VIT: variants seen among roughly 807,000 people sequenced by gnomAD.
VIT encodes the protein vitrin.
Under a neutral mutation model 78.0 loss-of-function variants are expected in VIT, and 99 were observed. The ratio of observed to expected loss-of-function variants is 1.27; its 90% CI spans 1.08 to 1.50. VIT has a LOEUF of 1.50. Ranked by LOEUF, VIT falls within the 40% of genes most tolerant of loss-of-function variation. The pLI is 0.00. For missense variants in VIT, 1,126 were observed against 875.3 expected, an observed-to-expected ratio of 1.29 and a Z score of -3.61; for synonymous variants, 374 against 334.3, an observed-to-expected ratio of 1.12 and a Z score of -1.29.
chr2:36,814,404 T>G lies in VIT; in HGVS notation c.*43T>G. 6.2e-7 allele frequency: 1 copy of G among 1,606,968 alleles called. No individual in the cohort carries two copies. Among genetic ancestry groups the G allele is most frequent in the South Asian group, 1.1e-5 (1 of 90,290 alleles). On this transcript the variant is annotated 3_prime_UTR_variant, in exon 16 of 16. Transcript: ENST00000379242. ...CACCAGCAAGTGCTGCTTTACTAAC[T>G]GACGTGTTGGACCACCCCACCGCTT...
chr2:36,703,405 T>C (rs1665196726), intron 1 of VIT, among the ~76,000 whole-genome samples: 1 of 149,324 alleles, frequency 6.7e-6, no homozygotes, highest in Non-Finnish European at 1.5e-5. Context: ...AGAGACCACT[T>C]TGGAACATGG....
At chr2:36,760,397 ATT>A (rs1362957080) in intron 6 of VIT, among the ~76,000 whole-genome samples, 2 of 151,710 alleles carry the variant, frequency 1.3e-5, no homozygotes, top group African/African-American at 2.4e-5. Flanking sequence ...TTTTCTCTTA[ATT>A]ACTGCTCCAC....
chr2:36,755,850 T>C (rs1216363529), intron 5 of VIT, among the ~76,000 whole-genome samples: 2 of 152,286 alleles, frequency 1.3e-5, no homozygotes, highest in Non-Finnish European at 2.9e-5. Flanking sequence ...TGTTATCATC[T>C]ATTATCTTTA....
At chr2:36,803,672 G>T (rs1438944977) in intron 13 of VIT, among the ~76,000 whole-genome samples, 2 of 152,222 alleles carry the variant, frequency 1.3e-5, no homozygotes, top group Non-Finnish European at 2.9e-5. Context: ...TGCAGCATCT[G>T]TATATGTAAC....
intron 14 of VIT, among the ~76,000 whole-genome samples, chr2:36,805,947 C>T (rs1192362016): frequency 6.6e-6 from 1 of 152,076 alleles, no homozygotes; most frequent in Admixed American, 6.6e-5. Context: ...CCCAGGCAGC[C>T]CAAGGAGCCT....
chr2:36,794,579 A>C (rs1665737059), intron 12 of VIT, among the ~76,000 whole-genome samples: 1 of 152,216 alleles, frequency 6.6e-6, no homozygotes, highest in African/African-American at 2.4e-5. Context: ...GTGAAATTTA[A>C]CAAATATTTC....
In VIT at chr2:36,699,516, T is replaced by TTATATATA. The variant is rs1553357624; in HGVS notation, c.-19+2550_-19+2557dup. 1.0e-4 allele frequency among the ~76,000 whole-genome samples: 15 copies of TTATATATA among 148,854 alleles called. 1 individual carries two copies. Among genetic ancestry groups the TTATATATA allele is most frequent in the African/African-American group, 3.8e-4 (15 of 39,382 alleles). On this transcript the variant is annotated intron_variant, in intron 1 of 15. Coordinates refer to ENST00000379242, the MANE Select transcript of VIT (RefSeq NM_053276.4). ...TTCTTCACAAGACAATTAGAGGGGG[T>TTATATATA]TATATATATATATACACACACATAT...
chr2:36,735,160 CAAAGAA>C (rs1351353613), intron 3 of VIT, among the ~76,000 whole-genome samples: 2 of 150,202 alleles, frequency 1.3e-5, no homozygotes, highest in African/African-American at 2.5e-5. Flanking sequence ...GACTCTGTCT[CAAAGAA>C]AAAGAAAAAG....
intron 1 of VIT, among the ~76,000 whole-genome samples, chr2:36,715,761 C>G (rs893151596): frequency 6.6e-6 from 1 of 152,156 alleles, no homozygotes; most frequent in Admixed American, 6.5e-5. Context: ...AGTTTGAGAA[C>G]CACTGCTCTA....
At chr2:36,771,258 G>A (rs549899840) in intron 7 of VIT, among the ~76,000 whole-genome samples, 8 of 152,286 alleles carry the variant, frequency 5.3e-5, no homozygotes, top group Admixed American at 6.5e-5. Context: ...TGCCGGTCCC[G>A]GTGGCTCACG....
At chr2:36,732,742 A>G (rs1015695) in intron 3 of VIT, among the ~76,000 whole-genome samples, 54,289 of 152,112 alleles carry the variant, frequency 0.36, 12,027 homozygotes, top group Non-Finnish European at 0.48. Flanking sequence ...ACAAGTCAAC[A>G]GGCAATGATA....
chr2:36,713,481 G>A (rs1665932307), intron 1 of VIT, among the ~76,000 whole-genome samples: 1 of 152,328 alleles, frequency 6.6e-6, no homozygotes, highest in Admixed American at 6.5e-5. Flanking sequence ...GTAAGACGGG[G>A]AGCCACTGTG....
intron 12 of VIT, among the ~76,000 whole-genome samples, chr2:36,795,438 G>A (rs11888749): frequency 0.085 from 12,631 of 148,964 alleles, 665 homozygotes; most frequent in African/African-American, 0.16. Context: ...ACGGAGTTTC[G>A]CTCTTGTTGC....
intron 7 of VIT, among the ~76,000 whole-genome samples, chr2:36,768,429 T>C (rs1669565397): frequency 6.6e-6 from 1 of 152,142 alleles, no homozygotes; most frequent in South Asian, 2.1e-4. Context: ...GAGACTCCGT[T>C]TCAATAAATA....
chr2:36,722,608 G>T (rs1281665586), intron 2 of VIT, among the ~76,000 whole-genome samples: 1 of 152,200 alleles, frequency 6.6e-6, no homozygotes, highest in Non-Finnish European at 1.5e-5. Context: ...AGAAGGCATT[G>T]TGGATACTAT....
intron 1 of VIT, among the ~76,000 whole-genome samples, chr2:36,701,609 T>A (rs1264366841): frequency 7.0e-5 from 6 of 85,208 alleles, no homozygotes; most frequent in Admixed American, 1.7e-4. Context: ...TTCTTTCTTC[T>A]CTTATTCAAA....
intron 3 of VIT, among the ~76,000 whole-genome samples, chr2:36,732,663 C>T (rs1667280267): frequency 6.6e-6 from 1 of 152,112 alleles, no homozygotes. Flanking sequence ...CTGTTAGACA[C>T]CCAGAAACAA....
In VIT at chr2:36,698,175, G is replaced by C. The variant is rs183120736; in HGVS notation, c.-19+1202G>C. ...TGCATTTTTTTATTGCAATATGCTGGTTTCCCAGACTAAGCTTCATTTAAA... is the reference window on the plus strand; with the variant it reads ...TGCATTTTTTTATTGCAATATGCTGCTTTCCCAGACTAAGCTTCATTTAAA... On this transcript the variant is annotated intron_variant, in intron 1 of 15. Transcript: ENST00000379242. Among the ~76,000 whole-genome samples the C allele has an allele frequency of 8.7e-4, 132 of 152,154 alleles. 1 individual carries two copies. Among genetic ancestry groups the C allele is most frequent in the Admixed American group, 2.3e-3 (35 of 15,284 alleles).
chr2:36,807,857 C>A (rs1666842501), intron 14 of VIT, among the ~76,000 whole-genome samples: 1 of 152,098 alleles, frequency 6.6e-6, no homozygotes, highest in South Asian at 2.1e-4. Flanking sequence ...TCAGGGAAGT[C>A]CCCTCATAGC....
Sources: allele counts gnomAD v4.1 joint callset (sites outside exome capture counted in the v4.1 genomes callset), GRCh38; gene constraint gnomAD v4.1.1; transcripts MANE v1.5; gene names NCBI Gene and HGNC (gene_info 2026-07-23, HGNC 2026-07-21).